The following XRCC5 variants were observed in gnomAD, a reference collection of about 807,000 sequenced individuals.
XRCC5 encodes DNA repair protein Ku80.
In XRCC5, 12 loss-of-function variants were observed where a neutral mutation model predicts 95.7. The observed-to-expected ratio is 0.13, with a 90% CI of 0.08 to 0.20. The LOEUF (loss-of-function observed/expected upper bound fraction) is 0.20, where lower values mean the gene tolerates loss of function less well. Among genes scored for constraint, XRCC5 ranks in the 10% least tolerant of loss-of-function variants. The pLI is 1.00. For synonymous variants in XRCC5, 281 were observed against 290.3 expected (o/e 0.97, Z 0.33); for missense variants, 595 against 873.9 (o/e 0.68, Z 4.02).
intron 13 of XRCC5, among the ~76,000 whole-genome samples, chr2:216,145,331 C>T (rs943745442): frequency 3.3e-5 from 5 of 152,096 alleles, no homozygotes; most frequent in African/African-American, 1.2e-4. Context: ...TAATTTAATT[C>T]TAGTTTTGGA....
chr2:216,150,079 C>A (rs184227889), intron 14 of XRCC5, among the ~76,000 whole-genome samples: 8 of 152,268 alleles, frequency 5.3e-5, no homozygotes, highest in Non-Finnish European at 4.4e-5. Context: ...GATGATAAAG[C>A]TCCAGTCAGT....
chr2:216,203,646 A>G (rs956200217), intron 19 of XRCC5, among the ~76,000 whole-genome samples: 6 of 152,212 alleles, frequency 3.9e-5, no homozygotes, highest in Admixed American at 1.3e-4. Context: ...CTCCAGATCT[A>G]GAACAGTGAT....
At chr2:216,159,539 T>A (rs1009569525) in intron 14 of XRCC5, among the ~76,000 whole-genome samples, 15 of 152,204 alleles carry the variant, frequency 9.9e-5, no homozygotes, top group African/African-American at 3.1e-4. Flanking sequence ...GGAAAGCTCT[T>A]GCATAGTTAA....
chr2:216,129,980 AGT>A (rs2106008554), intron 8 of XRCC5, among the ~76,000 whole-genome samples: 1 of 152,282 alleles, frequency 6.6e-6, no homozygotes, highest in African/African-American at 2.4e-5. Flanking sequence ...CTGGCCTAAA[AGT>A]GTGTTTCTTT....
chr2:216,155,609 A>T (rs1688826756), intron 14 of XRCC5, among the ~76,000 whole-genome samples: 1 of 152,222 alleles, frequency 6.6e-6, no homozygotes, highest in Non-Finnish European at 1.5e-5. Context: ...AATGGTCTGT[A>T]AACATGGTAG....
At chr2:216,174,228 T>C (rs566845583) in intron 16 of XRCC5, among the ~76,000 whole-genome samples, 1 of 152,216 alleles carries the variant, frequency 6.6e-6, no homozygotes, top group Non-Finnish European at 1.5e-5. Flanking sequence ...TTCAAAAATA[T>C]GCTAATTTAA....
At chr2:216,115,120 G>A (rs1696667455) in intron 2 of XRCC5, among the ~76,000 whole-genome samples, 1 of 152,072 alleles carries the variant, frequency 6.6e-6, no homozygotes, top group African/African-American at 2.4e-5. Flanking sequence ...CTCTCACTTT[G>A]CTTAAAATAA....
At chr2:216,172,675 T>G (rs905703304) in intron 16 of XRCC5, among the ~76,000 whole-genome samples, 2 of 152,112 alleles carry the variant, frequency 1.3e-5, no homozygotes, top group African/African-American at 4.8e-5. Flanking sequence ...TTCGCCATGT[T>G]GACCAGGCTG....
At chr2:216,163,576 G>A (rs1163685596) in intron 16 of XRCC5, among the ~76,000 whole-genome samples, 3 of 152,016 alleles carry the variant, frequency 2.0e-5, no homozygotes, top group Admixed American at 1.3e-4. Flanking sequence ...TGTGAGCCAC[G>A]GTGGCATGAG....
intron 18 of XRCC5, among the ~76,000 whole-genome samples, chr2:216,193,461 T>C (rs141186999): frequency 1.3e-5 from 2 of 152,368 alleles, no homozygotes; most frequent in African/African-American, 2.4e-5. Context: ...TCAATCTCTT[T>C]CTGTGTGAAT....
At chr2:216,156,762 A>T (rs1483386586) in intron 14 of XRCC5, 7 of 531,950 alleles carry the variant, frequency 1.3e-5, no homozygotes, top group Non-Finnish European at 2.3e-5. Context: ...CTCCATTGGA[A>T]CAAAGTCTAT....
chr2:216,116,091 T>C (rs769176789), intron 2 of XRCC5, among the ~76,000 whole-genome samples: 11 of 152,248 alleles, frequency 7.2e-5, no homozygotes, highest in Non-Finnish European at 1.6e-4. Flanking sequence ...TGGAGTATGA[T>C]ATTTCGTTGT....
intron 13 of XRCC5, among the ~76,000 whole-genome samples, chr2:216,145,910 G>A (rs1574465116): frequency 6.6e-6 from 1 of 152,212 alleles, no homozygotes; most frequent in East Asian, 1.9e-4. Context: ...TATGTTGGGT[G>A]TTTGATTACT....
At chr2:216,130,473 C>T (rs1025368256) in intron 8 of XRCC5, among the ~76,000 whole-genome samples, 3 of 151,892 alleles carry the variant, frequency 2.0e-5, no homozygotes, top group Non-Finnish European at 4.4e-5. Context: ...TGGCATTTTT[C>T]TCTGTGGGTC....
chr2:216,182,087 G>A (rs1689399495), intron 16 of XRCC5, among the ~76,000 whole-genome samples: 1 of 152,078 alleles, frequency 6.6e-6, no homozygotes, highest in African/African-American at 2.4e-5. Context: ...AAATTCTTGA[G>A]GCATCCTAGA....
At chr2:216,127,729 G>T in intron 8 of XRCC5, 55 bp downstream of exon 8, 1 of 1,514,502 alleles carries the variant, frequency 6.6e-7, no homozygotes, top group East Asian at 2.3e-5. Context: ...TCAACATGAT[G>T]TGATGCAGGC....
intron 13 of XRCC5, 62 bp downstream of exon 13, chr2:216,141,381 T>A (rs1697166601): frequency 6.3e-7 from 1 of 1,593,156 alleles, no homozygotes; most frequent in Non-Finnish European, 8.6e-7. Flanking sequence ...AAGTGCAAAG[T>A]TGCGGTAATT....
At chr2:216,157,517 G>A (rs1454343713) in intron 14 of XRCC5, among the ~76,000 whole-genome samples, 1 of 152,088 alleles carries the variant, frequency 6.6e-6, no homozygotes, top group African/African-American at 2.4e-5. Context: ...ACAGGCATGA[G>A]CCACCACGCC....
intron 19 of XRCC5, among the ~76,000 whole-genome samples, chr2:216,199,003 C>G (rs530560126): frequency 3.9e-5 from 6 of 152,324 alleles, no homozygotes; most frequent in Non-Finnish European, 8.8e-5. Flanking sequence ...AAGAGACATG[C>G]TTTAGCTATT....
Sources: allele counts gnomAD v4.1 joint callset (sites outside exome capture counted in the v4.1 genomes callset), GRCh38; gene constraint gnomAD v4.1.1; transcripts MANE v1.5; gene names NCBI Gene and HGNC (gene_info 2026-07-23, HGNC 2026-07-21).